Variants in FMN1 observed in about 807,000 individuals in gnomAD.
FMN1 encodes the protein formin-1.
Under a neutral mutation model 132.4 loss-of-function variants are expected in FMN1, and 110 were observed. The observed-to-expected ratio is 0.83, with a 90% CI of 0.71 to 0.97. FMN1 has a LOEUF of 0.97. Among genes scored for constraint, FMN1 ranks in the 50% least tolerant of loss-of-function variants. The pLI is 0.00. For missense variants in FMN1, 1,792 were observed against 1,705.3 expected (o/e 1.05, Z -0.90); for synonymous variants, 722 against 651.7 (o/e 1.11, Z -1.64).
chr15:32,934,475 T>C (rs2061206971), intron 9 of FMN1, among the ~76,000 whole-genome samples: 1 of 152,196 alleles, frequency 6.6e-6, no homozygotes, highest in Non-Finnish European at 1.5e-5. Flanking sequence ...CATGCCCTTT[T>C]CATTTCAACT....
At chr15:33,015,528 A>T (rs11631887) in intron 6 of FMN1, among the ~76,000 whole-genome samples, 34,611 of 152,102 alleles carry the variant, frequency 0.23, 4,261 homozygotes, top group African/African-American at 0.33. Context: ...ACACACGCAC[A>T]TGACATGGGC....
At chr15:32,780,554 A>G (rs927348845) in intron 19 of FMN1, among the ~76,000 whole-genome samples, 1 of 152,204 alleles carries the variant, frequency 6.6e-6, no homozygotes, top group Admixed American at 6.5e-5. Flanking sequence ...TGTTCTGCCT[A>G]TGGAGTAGCC....
intron 4 of FMN1, among the ~76,000 whole-genome samples, chr15:33,103,146 A>G (rs945454147): frequency 2.0e-5 from 3 of 152,100 alleles, no homozygotes; most frequent in Admixed American, 6.6e-5. Context: ...GAACAGTTTT[A>G]TGTTCAGAAC....
chr15:32,873,631 G>T (rs1203717836), intron 16 of FMN1, among the ~76,000 whole-genome samples: 1 of 152,130 alleles, frequency 6.6e-6, no homozygotes, highest in Admixed American at 6.6e-5. Context: ...GAAGGATGGG[G>T]GACTGCTAGA....
At chr15:33,016,804 G>A (rs1345888434) in intron 6 of FMN1, among the ~76,000 whole-genome samples, 1 of 152,194 alleles carries the variant, frequency 6.6e-6, no homozygotes, top group Non-Finnish European at 1.5e-5. Flanking sequence ...CGATCTGATA[G>A]TAAAGGCTTT....
rs201865408 is a variant in FMN1 at position 32,895,358 on chromosome 15, AG to A, written c.3714+3475del. On this transcript the variant is annotated intron_variant, in intron 15 of 20. Coordinates refer to ENST00000616417, the MANE Select transcript of FMN1 (RefSeq NM_001277313.2). Reference sequence around the variant, plus strand: ...GGAAAAAAGGGAAACAAAAAGAGGAAGGAAAAAAAAAAACAAAAACACAACC... The same window carrying A: ...GGAAAAAAGGGAAACAAAAAGAGGAAGAAAAAAAAAAACAAAAACACAACC... 2.1e-3 allele frequency among the ~76,000 whole-genome samples: 321 copies of A among 152,026 alleles called. 2 individuals are homozygous for A. The highest frequency in any genetic ancestry group is 7.5e-3 in the African/African-American group (311 of 41,494).
intron 15 of FMN1, among the ~76,000 whole-genome samples, chr15:32,888,628 C>G (rs1448347295): frequency 6.6e-6 from 1 of 152,194 alleles, no homozygotes; most frequent in Non-Finnish European, 1.5e-5. Flanking sequence ...CATGAAAGTA[C>G]TTACATTTGA....
At chr15:33,066,549 T>G in intron 5 of FMN1, 2 of 1,595,604 alleles carry the variant, frequency 1.3e-6, no homozygotes, top group African/African-American at 2.7e-5. Context: ...GGCTTAGAAT[T>G]GGACCGTTCA....
chr15:33,009,603 GACT>G (rs1401662496), intron 6 of FMN1, among the ~76,000 whole-genome samples: 3 of 152,114 alleles, frequency 2.0e-5, no homozygotes, highest in African/African-American at 4.8e-5. Flanking sequence ...TTCATTTGCT[GACT>G]ACTTACTATA....
At chr15:33,153,011 C>T (rs1430058854) in intron 4 of FMN1, 37 bp downstream of exon 4, 1 of 1,460,436 alleles carries the variant, frequency 6.8e-7, no homozygotes, top group Admixed American at 2.6e-5. Context: ...CCCAATCAGC[C>T]AAGAATAGAT....
intron 5 of FMN1, among the ~76,000 whole-genome samples, chr15:33,087,567 C>T (rs919026487): frequency 6.6e-6 from 1 of 152,010 alleles, no homozygotes; most frequent in African/African-American, 2.4e-5. Context: ...ACAACAACAA[C>T]AACAAAAAGA....
chr15:32,911,307 A>C (rs1239398527), intron 10 of FMN1, among the ~76,000 whole-genome samples: 1 of 152,124 alleles, frequency 6.6e-6, no homozygotes, highest in Non-Finnish European at 1.5e-5. Flanking sequence ...CACATCTTTA[A>C]ATAATTATTC....
rs557970575 is a variant in FMN1, at chr15:32,823,353, A to G, written c.3929-19021T>C. Among the ~76,000 whole-genome samples, 20 of 151,636 alleles carry G rather than the reference A, an allele frequency of 1.3e-4. No homozygotes were observed. The East Asian group carries it at 3.9e-3, about 29-fold the overall frequency. On this transcript the variant is annotated intron_variant, in intron 17 of 20. Coordinates refer to ENST00000616417, the MANE Select transcript of FMN1 (RefSeq NM_001277313.2). Reference sequence around the variant, plus strand: ...ATTTCTTTTTGTATTTTTAGTAGAGACAGGGTTTCACGGTGTTAGCCAGGA... The same window carrying G: ...ATTTCTTTTTGTATTTTTAGTAGAGGCAGGGTTTCACGGTGTTAGCCAGGA...
chr15:32,797,666 T>G (rs903157825), intron 19 of FMN1, among the ~76,000 whole-genome samples: 2 of 152,176 alleles, frequency 1.3e-5, no homozygotes, highest in Non-Finnish European at 2.9e-5. Context: ...AAAGAAGTAC[T>G]GATGGGAAGA....
At chr15:33,120,189 C>T (rs1471579380) in intron 4 of FMN1, among the ~76,000 whole-genome samples, 2 of 152,180 alleles carry the variant, frequency 1.3e-5, no homozygotes, top group East Asian at 1.9e-4. Flanking sequence ...TTTTTCACTT[C>T]TCAGAAATAA....
rs8031590 is a variant in FMN1 at position 33,083,668 on chromosome 15, C to G, written c.2043+5131G>C. ...ATCCTTTGTAATAAATTGGTAATGT[C>G]AGAGACGTTTGAACCACAGCGACTT... On this transcript the variant is annotated intron_variant, in intron 5 of 20. Coordinates refer to ENST00000616417, the MANE Select transcript of FMN1 (RefSeq NM_001277313.2). Among the ~76,000 whole-genome samples the G allele has an allele frequency of 3.1e-3, 479 of 152,234 alleles. 4 individuals carry two copies. The highest frequency in any genetic ancestry group is 0.011 in the African/African-American group (445 of 41,514).
intron 19 of FMN1, among the ~76,000 whole-genome samples, chr15:32,786,459 T>C (rs1450719118): frequency 6.6e-6 from 1 of 152,168 alleles, no homozygotes; most frequent in Admixed American, 6.5e-5. Context: ...GACACTCTTA[T>C]GGTCTCCCTT....
chr15:33,007,123 C>T (rs955116050), intron 7 of FMN1, among the ~76,000 whole-genome samples: 7 of 152,116 alleles, frequency 4.6e-5, no homozygotes, highest in Non-Finnish European at 7.3e-5. Context: ...TATTAATTAG[C>T]TCAATTTAGT....
At chr15:33,006,463 T>C (rs1206180833) in intron 7 of FMN1, among the ~76,000 whole-genome samples, 5 of 152,132 alleles carry the variant, frequency 3.3e-5, no homozygotes, top group Non-Finnish European at 7.4e-5. Context: ...AACTAGTTTG[T>C]AGAAAACAGT....
Sources: allele counts gnomAD v4.1 joint callset (sites outside exome capture counted in the v4.1 genomes callset), GRCh38; gene constraint gnomAD v4.1.1; transcripts MANE v1.5; gene names NCBI Gene and HGNC (gene_info 2026-07-23, HGNC 2026-07-21).